INPP5F: variants seen among roughly 807,000 people sequenced by gnomAD.
The protein encoded by INPP5F is phosphatidylinositide 4-phosphatase SAC2.
A neutral mutation model predicts 137.2 loss-of-function variants in INPP5F; 97 were observed. The observed-to-expected ratio is 0.71, with a 90% confidence interval of 0.60 to 0.84. INPP5F has a LOEUF of 0.84. Ranked by LOEUF, INPP5F falls within the 40% of genes least tolerant of loss-of-function variation. The pLI, the probability that INPP5F is intolerant of heterozygous loss-of-function variation, is 0.00. For synonymous variants in INPP5F, 504 were observed against 476.9 expected (o/e 1.06, Z -0.74); for missense variants, 1,271 against 1,371.9 (o/e 0.93, Z 1.16).
At chr10:119,794,230 A>G (rs974497815) in intron 6 of INPP5F, among the ~76,000 whole-genome samples, 3 of 151,874 alleles carry the variant, frequency 2.0e-5, no homozygotes, top group African/African-American at 7.3e-5. Context: ...CTTAAAGAGC[A>G]TGCTGCCTTC....
intron 2 of INPP5F, among the ~76,000 whole-genome samples, chr10:119,753,749 G>A (rs1262624030): frequency 6.6e-6 from 1 of 152,194 alleles, no homozygotes; most frequent in Non-Finnish European, 1.5e-5. Context: ...AGTCCCGAAT[G>A]AGATTATTGT....
At chr10:119,736,682 G>C (rs1489495919) in intron 1 of INPP5F, among the ~76,000 whole-genome samples, 1 of 152,130 alleles carries the variant, frequency 6.6e-6, no homozygotes, top group Non-Finnish European at 1.5e-5. Flanking sequence ...GTGACAGTTA[G>C]GACTTTATGC....
intron 15 of INPP5F, among the ~76,000 whole-genome samples, chr10:119,818,343 G>A (rs1000423477): frequency 2.6e-5 from 4 of 152,254 alleles, no homozygotes; most frequent in South Asian, 2.1e-4. Context: ...ACTTGCTTCC[G>A]TGCGCTCAGG....
At chr10:119,767,044 G>T (rs1375741170) in intron 2 of INPP5F, among the ~76,000 whole-genome samples, 1 of 138,666 alleles carries the variant, frequency 7.2e-6, no homozygotes, top group Non-Finnish European at 1.5e-5. Context: ...GGCAGAGGTT[G>T]CAGTGAGCTG....
chr10:119,741,638 C>T (rs1482461039), intron 1 of INPP5F, among the ~76,000 whole-genome samples: 3 of 151,886 alleles, frequency 2.0e-5, no homozygotes, highest in East Asian at 1.9e-4. Flanking sequence ...GGGTTCAAGC[C>T]GTTCTCTTGC....
rs928845558 is a variant in INPP5F at position 119,726,118 on chromosome 10, C to T, written c.-145C>T. The T allele has an allele frequency of 3.1e-5, 13 of 421,076 alleles. No individual in the cohort carries two copies. Among genetic ancestry groups the T allele is most frequent in the African/African-American group, 1.7e-4 (8 of 47,466 alleles). The allele number at this position is 421,076 out of a possible 1,614,324, so 26.1% of individuals were successfully genotyped here. On this transcript the variant is annotated 5_prime_UTR_variant, in exon 1 of 20. Coordinates refer to ENST00000650623, the MANE Select transcript of INPP5F (RefSeq NM_014937.4). ...GCGTTCTCCTCCTACCGGTCGGGTG[C>T]CCCGGGGCGTTCCCTCTGCCGCTGC...
intron 2 of INPP5F, among the ~76,000 whole-genome samples, chr10:119,754,616 C>T (rs559933495): frequency 7.9e-5 from 12 of 152,228 alleles, no homozygotes; most frequent in African/African-American, 2.4e-4. Flanking sequence ...CTTCTTGTCA[C>T]GTCACTTGAA....
intron 11 of INPP5F, 36 bp downstream of exon 11, chr10:119,805,497 T>C: frequency 4.4e-6 from 6 of 1,364,932 alleles, no homozygotes; most frequent in Non-Finnish European, 6.3e-6. Context: ...TTACAGACTC[T>C]GGGATCTGTA....
At chr10:119,825,762 C>A (rs1851731838) in intron 19 of INPP5F, among the ~76,000 whole-genome samples, 1 of 152,124 alleles carries the variant, frequency 6.6e-6, no homozygotes, top group Non-Finnish European at 1.5e-5. Flanking sequence ...GTTTTGTGGT[C>A]CACATTCTGC....
intron 2 of INPP5F, among the ~76,000 whole-genome samples, chr10:119,769,882 T>C (rs1243187286): frequency 1.3e-5 from 2 of 152,330 alleles, no homozygotes; most frequent in Non-Finnish European, 2.9e-5. Flanking sequence ...TTGGCTTCTA[T>C]AGTCACATGA....
intron 2 of INPP5F, among the ~76,000 whole-genome samples, chr10:119,766,406 G>A (rs776974211): frequency 2.6e-5 from 4 of 152,032 alleles, no homozygotes; most frequent in African/African-American, 4.8e-5. Flanking sequence ...CTTTAAAAAC[G>A]AGATCAAGAA....
chr10:119,798,709 G>T, intron 9 of INPP5F, 99 bp downstream of exon 9: 1 of 624,006 alleles, frequency 1.6e-6, no homozygotes, highest in Non-Finnish European at 2.5e-6. Flanking sequence ...CAAAATTAAA[G>T]CATTTGTCAT....
chr10:119,738,752 T>A (rs888932767), intron 1 of INPP5F, among the ~76,000 whole-genome samples: 1 of 152,102 alleles, frequency 6.6e-6, no homozygotes, highest in African/African-American at 2.4e-5. Context: ...ACACACACAG[T>A]CTCCCTTCTT....
chr10:119,731,911 T>G (rs780020696), intron 1 of INPP5F, among the ~76,000 whole-genome samples: 1 of 152,224 alleles, frequency 6.6e-6, no homozygotes, highest in Non-Finnish European at 1.5e-5. Flanking sequence ...TAGATCTGTA[T>G]GTTTATTTTT....
intron 2 of INPP5F, among the ~76,000 whole-genome samples, chr10:119,777,840 A>C (rs1039889329): frequency 1.3e-5 from 2 of 152,292 alleles, no homozygotes; most frequent in Admixed American, 6.5e-5. Flanking sequence ...ACTTTGGAGT[A>C]AATTTCCACC....
At position 119,796,826 on chromosome 10, in the gene INPP5F, A is replaced by ACCC. The variant is rs750419826; in HGVS notation, c.786_788dup (p.Pro263dup). On this transcript the variant is annotated inframe_insertion, in exon 7 of 20. Transcript: ENST00000650623. ...TGATGATGAGAAAAGCAGCCCAGAG[A>ACCC]CCCCCCCTCAGGAGTCCACCTGTGT... 6.2e-7 allele frequency: 1 copy of ACCC among 1,612,278 alleles called. No individual in the cohort carries two copies. Among genetic ancestry groups the ACCC allele is most frequent in the Admixed American group, 1.7e-5 (1 of 59,806 alleles).
chr10:119,791,806 T>G, intron 4 of INPP5F, 63 bp from the exon 5 acceptor site: 1 of 1,411,610 alleles, frequency 7.1e-7, no homozygotes. Context: ...TAGGAATTTA[T>G]GTGTTATCCC....
chr10:119,806,186 T>C lies in INPP5F; in HGVS notation c.1320-174T>C, dbSNP rs537401294. On this transcript the variant is annotated intron_variant, in intron 11 of 19. Coordinates refer to ENST00000650623, the MANE Select transcript of INPP5F (RefSeq NM_014937.4). ...GGATAATATCTTCCTTGCTATGTTA[T>C]TGTGTAAATTAACAATGATGTCTAT... Among the ~76,000 whole-genome samples the C allele has an allele frequency of 3.3e-4, 51 of 152,284 alleles. No individual in the cohort carries two copies. The South Asian group carries it at 8.1e-3, about 24-fold the overall frequency.
At chr10:119,774,501 T>G (rs949345342) in intron 2 of INPP5F, among the ~76,000 whole-genome samples, 4 of 151,716 alleles carry the variant, frequency 2.6e-5, no homozygotes, top group Non-Finnish European at 5.9e-5. Context: ...TTTTGTTTTT[T>G]TTTTTCTTTC....
Sources: gnomAD v4.1 joint callset for allele counts (sites outside exome capture counted in the v4.1 genomes callset) on GRCh38, gnomAD v4.1.1 for gene constraint, MANE v1.5 for transcripts, NCBI Gene and HGNC (gene_info 2026-07-23, HGNC 2026-07-21) for gene names.